Variants in LPIN2 observed in about 807,000 individuals in gnomAD.
LPIN2 encodes the protein lipin 2.
Under a neutral mutation model 111.4 loss-of-function variants are expected in LPIN2, and 55 were observed. The ratio of observed to expected loss-of-function variants is 0.49; its 90% confidence interval spans 0.40 to 0.62. The LOEUF is 0.62. LPIN2 is among the 20% of genes least tolerant of loss of function. LPIN2 has a pLI of 0.00. For missense variants in LPIN2, 992 were observed against 1,112.1 expected (o/e 0.89, Z 1.54); for synonymous variants, 425 against 414.0 (o/e 1.03, Z -0.32).
chr18:2,988,012 CAAAAAAAAAAAAAAAAAA>C (rs761121515), intron 1 of LPIN2, among the ~76,000 whole-genome samples: 1 of 32,344 alleles, frequency 3.1e-5, no homozygotes, highest in Admixed American at 3.9e-4. Context: ...GAGACTGTCT[CAAAAAAAAAAAAAAAAAA>C]AAAAAAAAGA....
Position 2,938,043 on chromosome 18 carries a change from A to G in LPIN2, c.823-6T>C. On this transcript the variant is annotated splice_polypyrimidine_tract_variant and splice_region_variant and intron_variant, in intron 6 of 19. Coordinates refer to ENST00000677752, the MANE Select transcript of LPIN2 (RefSeq NM_001375808.2). The stretch of plus-strand genomic sequence containing the variant: ...GATCGTTCTCTTTTGCTGACCTAAA[A>G]AAGTTAAATTGTTTAAAAATTAAAC... 1 of 1,608,552 alleles carries G rather than the reference A, an allele frequency of 6.2e-7. No homozygotes were observed. Among genetic ancestry groups the G allele is most frequent in the Non-Finnish European group, 8.5e-7 (1 of 1,175,890 alleles).
intron 2 of LPIN2, 53 bp downstream of exon 2, chr18:2,960,596 T>C: frequency 3.2e-6 from 5 of 1,567,174 alleles, no homozygotes; most frequent in Non-Finnish European, 4.4e-6. Flanking sequence ...GGACACTCAC[T>C]CACTTTCTCT....
At position 2,919,413 on chromosome 18, in the gene LPIN2, C is replaced by T. The variant is rs2077017358; in HGVS notation, c.*880G>A. ...CCAAGGCAAGATGCTTTCCAAAGGC[C>T]CACACCAGGCAGCAAGCAGAGGGAT... On this transcript the variant is annotated 3_prime_UTR_variant, in exon 20 of 20. Transcript: ENST00000677752. 6.6e-6 allele frequency: 1 copy of T among 152,178 alleles called. No individual in the cohort carries two copies. The highest frequency in any genetic ancestry group is 1.5e-5 in the Non-Finnish European group (1 of 68,084). 9.4% of individuals were successfully genotyped at this position (152,178 alleles called of 1,614,324 possible).
At position 2,917,943 on chromosome 18, in the gene LPIN2, T is replaced by TACAA. The variant is rs1450456611; in HGVS notation, c.*2346_*2349dup. ...CAACTCACCATCCTAAGGGTTTGTG[T>TACAA]ACAAACACACTCGAGGGCATCTCTT... is the stretch of plus-strand genomic sequence containing the variant. On this transcript the variant is annotated 3_prime_UTR_variant, in exon 20 of 20. Transcript: ENST00000677752. 6.6e-6 allele frequency: 1 copy of TACAA among 152,184 alleles called. No individual in the cohort carries two copies. The highest frequency in any genetic ancestry group is 1.5e-5 in the Non-Finnish European group (1 of 68,036). The allele number at this position is 152,184 out of a possible 1,614,324, so 9.4% of individuals were successfully genotyped here. A position where few individuals can be genotyped will look rare whatever the true frequency, so the allele number is the denominator to read the frequency against.
Position 2,937,827 on chromosome 18 carries a change from G to A in LPIN2, c.1033C>T (p.Leu345Phe), listed in dbSNP as rs1281403816. 1.9e-6 allele frequency: 3 copies of A among 1,614,156 alleles called. No individual in the cohort carries two copies. Among genetic ancestry groups the A allele is most frequent in the South Asian group, 1.1e-5 (1 of 91,078 alleles). The change falls in exon 7 of 20, where the codon CTT (leucine) becomes TTT (phenylalanine). Residue 345 changes from leucine to phenylalanine, a missense_variant. Leu to Phe is a conservative substitution (Grantham distance 22, BLOSUM62 0). This residue lies in a region of LPIN2 where 709 missense variants were observed against 753.2 expected (regional missense o/e 0.94). Transcript: ENST00000677752. Reference sequence around the variant, plus strand: ...GTACTCTCAAGAGGAGGTTCGAGAAGCTCTGCCACAGATGTTGGGTCGCTC... The same window carrying A: ...GTACTCTCAAGAGGAGGTTCGAGAAACTCTGCCACAGATGTTGGGTCGCTC... ...QMSDPTSVAE[L>F]LEPPLESTQI...
chr18:2,925,198 G>A lies in LPIN2; in HGVS notation c.1938+26C>T, dbSNP rs201921615. 2.5e-6 allele frequency: 4 copies of A among 1,614,010 alleles called. No homozygotes were observed. Among genetic ancestry groups the A allele is most frequent in the East Asian group, 4.5e-5 (2 of 44,882 alleles). The stretch of plus-strand genomic sequence containing the variant: ...ACCATTACTAAAATAAGTCCTACTG[G>A]ACAACACAGATCATGCAAGACTCAC... On this transcript the variant is annotated intron_variant, in intron 14 of 19. Coordinates refer to ENST00000677752, the MANE Select transcript of LPIN2 (RefSeq NM_001375808.2). The surrounding 1 kb of genome is among the most constrained non-coding windows in gnomAD (Gnocchi z 4.1).
chr18:2,923,671 T>A, intron 16 of LPIN2, 104 bp downstream of exon 16: 1 of 990,616 alleles, frequency 1.0e-6, no homozygotes, highest in Non-Finnish European at 1.6e-6. Context: ...TGCTTCAGCA[T>A]AAACACATGA....
chr18:2,951,896 G>A (rs576010191), intron 3 of LPIN2, among the ~76,000 whole-genome samples: 11 of 152,286 alleles, frequency 7.2e-5, no homozygotes, highest in African/African-American at 1.7e-4. Flanking sequence ...AGACAATACC[G>A]TGTAACAAAT....
At chr18:2,961,736 C>T (rs1444627497) in intron 1 of LPIN2, among the ~76,000 whole-genome samples, 1 of 152,116 alleles carries the variant, frequency 6.6e-6, no homozygotes, top group Admixed American at 6.6e-5. Flanking sequence ...ACTGAATACA[C>T]CCCCACATTT....
intron 1 of LPIN2, among the ~76,000 whole-genome samples, chr18:2,991,927 G>C (rs578205339): frequency 1.3e-5 from 2 of 151,394 alleles, no homozygotes; most frequent in Admixed American, 6.6e-5. Context: ...GAGAACTGCC[G>C]AACACAGGAG....
At chr18:3,005,432 C>A (rs192262204) in intron 1 of LPIN2, among the ~76,000 whole-genome samples, 1 of 152,232 alleles carries the variant, frequency 6.6e-6, no homozygotes, top group East Asian at 1.9e-4. Context: ...CCCCTCAGCA[C>A]TTTGGGAGGC....
At chr18:3,009,895 G>C (rs184414738) in intron 1 of LPIN2, among the ~76,000 whole-genome samples, 1 of 152,346 alleles carries the variant, frequency 6.6e-6, no homozygotes, top group African/African-American at 2.4e-5. Context: ...AATCCTGAAA[G>C]TGACATTAAG....
chr18:2,928,966 G>A (rs1410638323), intron 10 of LPIN2, 99 bp downstream of exon 10: 3 of 846,476 alleles, frequency 3.5e-6, no homozygotes, highest in African/African-American at 3.4e-5. Flanking sequence ...GAGATGACAA[G>A]TTTTATAAGA....
At chr18:3,002,253 A>C (rs2143477949) in intron 1 of LPIN2, among the ~76,000 whole-genome samples, 1 of 151,248 alleles carries the variant, frequency 6.6e-6, no homozygotes, top group African/African-American at 2.4e-5. Context: ...AAAAAAAAAA[A>C]AAAAACCCAC....
At chr18:2,933,013 G>GC (rs1317430743) in intron 8 of LPIN2, among the ~76,000 whole-genome samples, 2 of 152,204 alleles carry the variant, frequency 1.3e-5, no homozygotes, top group Non-Finnish European at 2.9e-5. Context: ...ACATGGGGAT[G>GC]CCGTCTGACT....
rs566101229 is a variant in LPIN2, at chr18:2,926,944, CTATT to C, written c.1711-143_1711-140del. The C allele has an allele frequency of 4.3e-4, 308 of 722,562 alleles. 1 individual carries two copies. In the African/African-American group the frequency reaches 4.9e-3, roughly 11 times the overall value. 44.8% of individuals were successfully genotyped at this position (722,562 alleles called of 1,614,324 possible). ...AAAATGCTCAAAAACCAGACTTTCT[CTATT>C]CTGAGCCAAAGAATTAGAAACCTAA... On this transcript the variant is annotated intron_variant, in intron 12 of 19. Coordinates refer to ENST00000677752, the MANE Select transcript of LPIN2 (RefSeq NM_001375808.2).
chr18:3,009,946 ATT>A (rs141845226), intron 1 of LPIN2, among the ~76,000 whole-genome samples: 2 of 151,750 alleles, frequency 1.3e-5, no homozygotes, highest in Non-Finnish European at 1.5e-5. Flanking sequence ...CTCCCAACAG[ATT>A]TTTTTTTCTT....
chr18:2,925,436 G>A lies in LPIN2; in HGVS notation c.1794-68C>T, dbSNP rs567244802. The A allele has an allele frequency of 1.7e-5, 27 of 1,598,434 alleles. No homozygotes were observed. The South Asian group carries it at 2.5e-4, about 15-fold the overall frequency. ...TTTATTGATGAGAGCTTTTCATTTA[G>A]GATCAAGAAAATAAAGATATCCTAA... On this transcript the variant is annotated intron_variant, in intron 13 of 19. Transcript: ENST00000677752. This position sits in a 1 kb window ranked among gnomAD's most constrained non-coding sequence, Gnocchi z 4.1.
chr18:2,949,709 A>C (rs530231046), intron 4 of LPIN2, among the ~76,000 whole-genome samples: 1 of 152,368 alleles, frequency 6.6e-6, no homozygotes, highest in African/African-American at 2.4e-5. Context: ...TAAAATCTAG[A>C]TTTCAAAATT....
Sources: allele counts gnomAD v4.1 joint callset (sites outside exome capture counted in the v4.1 genomes callset), GRCh38; gene constraint gnomAD v4.1.1; regional missense constraint gnomAD v4.1.1; non-coding constraint Gnocchi (gnomAD v3.1); transcripts MANE v1.5; gene names NCBI Gene and HGNC (gene_info 2026-07-23, HGNC 2026-07-21).